DNMBP: variants seen among roughly 807,000 people sequenced by gnomAD.
DNMBP encodes dynamin-binding protein.
A neutral mutation model predicts 150.0 loss-of-function variants in DNMBP; 87 were observed. The ratio of observed to expected loss-of-function variants is 0.58; its 90% CI spans 0.49 to 0.69. The LOEUF (loss-of-function observed/expected upper bound fraction) is 0.69, where lower values mean the gene tolerates loss of function less well. Among genes scored for constraint, DNMBP ranks in the 30% least tolerant of loss-of-function variants. The pLI is 0.00. For synonymous variants in DNMBP, 711 were observed against 750.4 expected, an observed-to-expected ratio of 0.95 and a Z score of 0.86; for missense variants, 1,774 against 1,949.0, an observed-to-expected ratio of 0.91 and a Z score of 1.69.
intron 4 of DNMBP, chr10:99,913,989 G>C (rs1311683132): frequency 6.7e-7 from 1 of 1,492,042 alleles, no homozygotes; most frequent in Admixed American, 2.3e-5. Flanking sequence ...TGGAGGTGTG[G>C]GCCTGAGGGT....
chr10:100,005,438 A>G (rs12774702), intron 1 of DNMBP, among the ~76,000 whole-genome samples: 67 of 152,144 alleles, frequency 4.4e-4, no homozygotes, highest in Non-Finnish European at 9.1e-4. Context: ...TAGACACATA[A>G]CAATATGGAT....
chr10:99,931,274 C>T (rs112491042), intron 4 of DNMBP, among the ~76,000 whole-genome samples: 2 of 152,164 alleles, frequency 1.3e-5, no homozygotes, highest in African/African-American at 4.8e-5. Context: ...CCCCATCCTC[C>T]AAGTCCACCT....
At position 99,900,599 on chromosome 10, in the gene DNMBP, A is replaced by G. The variant is rs143000143; in HGVS notation, c.2555-533T>C. ...ATCTGAGAGCGTTCTCCATGTAGGG[A>G]TGTAATGAGAACCCCATAAGGAGGA... On this transcript the variant is annotated intron_variant, in intron 6 of 16. Transcript: ENST00000324109. Among the ~76,000 whole-genome samples, 1,368 of 151,914 alleles carry G rather than the reference A, an allele frequency of 9.0e-3. 19 individuals are homozygous for G. Among genetic ancestry groups the G allele is most frequent in the Middle Eastern group, 0.041 (12 of 294 alleles).
In DNMBP at chr10:99,930,202, G is replaced by T; in HGVS notation, c.2261-21056C>A. ...AAATTAGTTGCCCAACAATCCTCAA[G>T]ATTATGGTTAACATTCTCATGGTCT... On this transcript the variant is annotated intron_variant, in intron 4 of 16. Transcript: ENST00000324109. 3 of 702,824 alleles carry T rather than the reference G, an allele frequency of 4.3e-6. No homozygotes were observed. The East Asian group carries it at 8.1e-5, about 19-fold the overall frequency. 43.5% of individuals were successfully genotyped at this position (702,824 alleles called of 1,614,324 possible).
chr10:99,886,563 T>C lies in DNMBP; in HGVS notation c.3355A>G (p.Lys1119Glu). The C allele has an allele frequency of 1.2e-6, 2 of 1,614,134 alleles. No homozygotes were observed. The highest frequency in any genetic ancestry group is 1.7e-6 in the Non-Finnish European group (2 of 1,180,012). Residue 1119 changes from lysine (K) to glutamate (E), a missense_variant, in exon 13 of 17, where the codon AAG (lysine) becomes GAG (glutamate). By Grantham distance (56) the Lys-to-Glu change is moderately conservative (BLOSUM62 1). This residue lies in a region of DNMBP where 1,430 missense variants were observed against 1,492.5 expected (regional missense o/e 0.96). Transcript: ENST00000324109. ...TTGTCAAAGCGTTTCTGTACCAGCT[T>C]ATGGGGCCCTGTAAACATGCTCAGT... ...QLLSMFTGPH[K>E]LVQKRFDKLL... is the part of the protein sequence containing the mutation.
intron 2 of DNMBP, among the ~76,000 whole-genome samples, chr10:99,970,983 A>AAAATAAAAAAAAAAAT (rs1564750400): frequency 6.8e-6 from 1 of 147,356 alleles, no homozygotes; most frequent in African/African-American, 2.5e-5. Flanking sequence ...AAAAAAAAAA[A>AAAATAAAAAAAAAAAT]AAAAAAAAAA....
chr10:99,954,432 T>A (rs988860406), intron 4 of DNMBP, among the ~76,000 whole-genome samples: 1 of 151,854 alleles, frequency 6.6e-6, no homozygotes, highest in Non-Finnish European at 1.5e-5. Context: ...ACAGCCTATC[T>A]AGGGTGATGA....
chr10:99,955,069 AAAAAG>A (rs1655602242), intron 4 of DNMBP, 140 bp downstream of exon 4: 4 of 766,734 alleles, frequency 5.2e-6, no homozygotes, highest in Admixed American at 2.8e-5. Flanking sequence ...GGAAAAAAAA[AAAAAG>A]AAAAGAAATT....
rs753128227 is a variant in DNMBP at position 99,880,260 on chromosome 10, G to A, written c.4099C>T (p.His1367Tyr). The change falls in exon 16 of 17, where the codon CAC (histidine) becomes TAC (tyrosine). Residue 1367 changes from histidine (H) to tyrosine (Y), a missense_variant. His to Tyr is a moderately conservative substitution (Grantham distance 83). Coordinates refer to ENST00000324109, the MANE Select transcript of DNMBP (RefSeq NM_015221.4). ...GGGAACCTGGGGGAGGAGCTGCCGT[G>A]CTCAGACTCTGTGGAGGAGTGGCTA... is the stretch of plus-strand genomic sequence containing the variant. ...VGSHSSTESEHGSSSPRFPRQ... is the reference protein window; with the variant it reads ...VGSHSSTESEYGSSSPRFPRQ... 2.5e-6 allele frequency: 4 copies of A among 1,614,112 alleles called. No individual in the cohort carries two copies. Among genetic ancestry groups the A allele is most frequent in the Non-Finnish European group, 3.4e-6 (4 of 1,180,028 alleles).
chr10:99,891,583 C>T (rs2039561600), intron 11 of DNMBP, among the ~76,000 whole-genome samples: 1 of 151,886 alleles, frequency 6.6e-6, no homozygotes, highest in African/African-American at 2.4e-5. Flanking sequence ...GCAGCCTCTG[C>T]CCGGCCGCCA....
chr10:99,938,552 A>T (rs1337459713), intron 4 of DNMBP, among the ~76,000 whole-genome samples: 1 of 152,088 alleles, frequency 6.6e-6, no homozygotes, highest in Non-Finnish European at 1.5e-5. Context: ...CTCAAAAAAT[A>T]AAAAAAAGAA....
At chr10:100,007,986 C>G (rs374135381) in intron 1 of DNMBP, among the ~76,000 whole-genome samples, 4 of 152,240 alleles carry the variant, frequency 2.6e-5, no homozygotes, top group African/African-American at 9.6e-5. Context: ...GATGATCAAG[C>G]ACATTCGAGA....
intron 6 of DNMBP, 152 bp from the exon 7 acceptor site, chr10:99,900,218 C>A: frequency 1.3e-6 from 1 of 757,794 alleles, no homozygotes; most frequent in Non-Finnish European, 2.1e-6. Context: ...AAGAAACTTC[C>A]ATCTAACAGC....
chr10:99,966,960 A>ATT (rs769272006), intron 3 of DNMBP, among the ~76,000 whole-genome samples: 17 of 136,866 alleles, frequency 1.2e-4, no homozygotes, highest in Non-Finnish European at 1.6e-4. Context: ...GGCTAATTTA[A>ATT]TTTTTTTTTT....
chr10:99,901,525 T>G (rs1589407152), intron 6 of DNMBP, among the ~76,000 whole-genome samples: 1 of 152,160 alleles, frequency 6.6e-6, no homozygotes, highest in South Asian at 2.1e-4. Context: ...TTTTTCCCTA[T>G]CCCCAGACCC....
intron 1 of DNMBP, among the ~76,000 whole-genome samples, chr10:99,986,598 A>G (rs1309896567): frequency 6.1e-5 from 4 of 65,468 alleles, no homozygotes; most frequent in African/African-American, 2.7e-4. Flanking sequence ...CCGTCTCAAA[A>G]AAAAAAAAAA....
chr10:99,952,009 G>T (rs2040428742), intron 4 of DNMBP, among the ~76,000 whole-genome samples: 1 of 152,098 alleles, frequency 6.6e-6, no homozygotes, highest in African/African-American at 2.4e-5. Flanking sequence ...GGAGATAATT[G>T]AATCATGGGG....
intron 4 of DNMBP, among the ~76,000 whole-genome samples, chr10:99,920,079 ATT>A (rs567625840): frequency 1.4e-5 from 2 of 145,788 alleles, no homozygotes; most frequent in Non-Finnish European, 3.0e-5. Context: ...CTATATTTCC[ATT>A]TTTTTTTTTT....
chr10:99,975,787 T>TA (rs2133359808), intron 1 of DNMBP, among the ~76,000 whole-genome samples: 1 of 152,316 alleles, frequency 6.6e-6, no homozygotes, highest in East Asian at 1.9e-4. Flanking sequence ...ACATCTTACT[T>TA]AAACTCTCTG....
Sources: gnomAD v4.1 joint callset for allele counts (sites outside exome capture counted in the v4.1 genomes callset) on GRCh38, gnomAD v4.1.1 for gene constraint, gnomAD v4.1.1 regional missense constraint, MANE v1.5 for transcripts, NCBI Gene and HGNC (gene_info 2026-07-23, HGNC 2026-07-21) for gene names.